IFT52: variants seen among roughly 807,000 people sequenced by gnomAD.
IFT52 encodes the protein intraflagellar transport 52, also known as intraflagellar transport protein 52 homolog.
IFT52 carries 44 observed loss-of-function variants against 54.4 expected under a neutral mutation model. The observed-to-expected ratio is 0.81, with a 90% CI of 0.63 to 1.04. IFT52 has a LOEUF of 1.04. Ranked by LOEUF, IFT52 falls within the 50% of genes least tolerant of loss-of-function variation. The probability of loss-of-function intolerance (pLI) is 0.00; values close to 1 mark genes in which losing one functional copy is unlikely to be tolerated. For missense variants in IFT52, 452 were observed against 523.6 expected, an observed-to-expected ratio of 0.86 and a Z score of 1.33; for synonymous variants, 181 against 185.3, an observed-to-expected ratio of 0.98 and a Z score of 0.19.
At chr20:43,627,866 C>T (rs1251531348) in intron 10 of IFT52, among the ~76,000 whole-genome samples, 1 of 150,348 alleles carries the variant, frequency 6.7e-6, no homozygotes, top group Non-Finnish European at 1.5e-5. Context: ...CATTCCCAGC[C>T]TGGCCTTCGC....
At chr20:43,613,463 A>G (rs1983610734) in intron 6 of IFT52, among the ~76,000 whole-genome samples, 1 of 152,202 alleles carries the variant, frequency 6.6e-6, no homozygotes. Flanking sequence ...GCTTAGAAAA[A>G]ATTTTTTGTT....
At chr20:43,595,343 G>C (rs1477566695) in intron 2 of IFT52, among the ~76,000 whole-genome samples, 1 of 131,056 alleles carries the variant, frequency 7.6e-6, no homozygotes, top group Non-Finnish European at 1.6e-5. Context: ...AAAAAAGAAA[G>C]ATCAAGACCA....
chr20:43,627,922 G>GTTTTTTTTTTT (rs554920528), intron 10 of IFT52, among the ~76,000 whole-genome samples: 1 of 56,082 alleles, frequency 1.8e-5, no homozygotes, highest in Non-Finnish European at 2.9e-5. Context: ...GAGAGAGAGA[G>GTTTTTTTTTTT]TTTTTTTTTT....
intron 2 of IFT52, 54 bp from the exon 3 acceptor site, chr20:43,596,381 A>G: frequency 6.0e-6 from 7 of 1,158,188 alleles, no homozygotes; most frequent in Non-Finnish European, 9.0e-6. Flanking sequence ...AAAATAATAC[A>G]TAAATTGGTT....
chr20:43,639,784 A>G (rs1985790842), intron 12 of IFT52, among the ~76,000 whole-genome samples: 1 of 151,970 alleles, frequency 6.6e-6, no homozygotes, highest in Non-Finnish European at 1.5e-5. Context: ...GGCTGCAGTG[A>G]GCTATGATAC....
intron 9 of IFT52, among the ~76,000 whole-genome samples, 196 bp from the exon 10 acceptor site, chr20:43,623,695 G>A (rs1199311000): frequency 6.6e-6 from 1 of 152,180 alleles, no homozygotes; most frequent in Non-Finnish European, 1.5e-5. Context: ...GCCAGTACTG[G>A]GGTTTAGCCA....
chr20:43,642,389 A>G (rs1338565027), intron 12 of IFT52, 90 bp from the exon 13 acceptor site: 1 of 1,186,954 alleles, frequency 8.4e-7, no homozygotes, highest in Non-Finnish European at 1.2e-6. Context: ...ATGTGGAAAC[A>G]TGACAGGGCA....
At chr20:43,631,050 T>G (rs1985130587) in intron 10 of IFT52, among the ~76,000 whole-genome samples, 1 of 152,194 alleles carries the variant, frequency 6.6e-6, no homozygotes, top group Admixed American at 6.6e-5. Flanking sequence ...AGAATTTTAG[T>G]TTAAAACTGC....
intron 10 of IFT52, among the ~76,000 whole-genome samples, chr20:43,632,747 A>G (rs947132685): frequency 1.3e-5 from 2 of 152,216 alleles, no homozygotes; most frequent in Admixed American, 6.5e-5. Flanking sequence ...AGTGCATATC[A>G]TACAGATCTG....
intron 9 of IFT52, 131 bp from the exon 10 acceptor site, chr20:43,623,760 G>C: frequency 9.7e-7 from 1 of 1,031,754 alleles, no homozygotes; most frequent in East Asian, 2.5e-5. Context: ...TTTAGTGTCA[G>C]TGATCATGAA....
chr20:43,641,044 A>G (rs1293165585), intron 12 of IFT52, among the ~76,000 whole-genome samples: 2 of 151,700 alleles, frequency 1.3e-5, no homozygotes, highest in African/African-American at 4.8e-5. Context: ...AAAAAAAAAA[A>G]AAAAAAAAAA....
intron 6 of IFT52, among the ~76,000 whole-genome samples, chr20:43,607,773 C>T: frequency 6.6e-6 from 1 of 152,066 alleles, no homozygotes; most frequent in Non-Finnish European, 1.5e-5. Flanking sequence ...GCACTCTCGG[C>T]ACTTTGGGAG....
intron 3 of IFT52, among the ~76,000 whole-genome samples, chr20:43,597,973 C>T (rs1245026194): frequency 6.6e-6 from 1 of 151,126 alleles, no homozygotes; most frequent in Non-Finnish European, 1.5e-5. Context: ...AAAACCAGAT[C>T]TCAGAGATAG....
intron 1 of IFT52, among the ~76,000 whole-genome samples, chr20:43,592,694 G>T (rs551086747): frequency 6.6e-6 from 1 of 152,120 alleles, no homozygotes; most frequent in Non-Finnish European, 1.5e-5. Context: ...GGAAGGAAAA[G>T]ATTCATACTT....
chr20:43,637,419 C>T (rs1025576043), intron 12 of IFT52, among the ~76,000 whole-genome samples, 166 bp downstream of exon 12: 6 of 152,068 alleles, frequency 3.9e-5, no homozygotes, highest in Non-Finnish European at 5.9e-5. Context: ...TGCGCCACCA[C>T]GCCCAGCTAA....
intron 2 of IFT52, 151 bp downstream of exon 2, chr20:43,594,968 C>G (rs1306533305): frequency 3.2e-6 from 2 of 616,686 alleles, no homozygotes; most frequent in South Asian, 3.9e-5. Flanking sequence ...CGTGGTGGCT[C>G]ACACCTGTAA....
chr20:43,606,741 C>A (rs1176149421), intron 6 of IFT52, among the ~76,000 whole-genome samples: 4 of 152,242 alleles, frequency 2.6e-5, no homozygotes, highest in Non-Finnish European at 5.9e-5. Context: ...CAGCCTTCCG[C>A]AGTGTTTGTG....
At chr20:43,643,298 G>T (rs752799691) in intron 13 of IFT52, among the ~76,000 whole-genome samples, 175 of 28,610 alleles carry the variant, frequency 6.1e-3, no homozygotes, top group Admixed American at 0.012. Context: ...CCAGCCTGGC[G>T]AACATGGTGA....
Position 43,619,033 on chromosome 20 carries a change from T to A in IFT52, c.699+7T>A. ...AGAAAACAGCAAAATCATGGTAAGC[T>A]TTTTCTTTTGTCATATTAATATACA... On this transcript the variant is annotated splice_region_variant and intron_variant, in intron 8 of 13. Transcript: ENST00000373030. The A allele has an allele frequency of 6.3e-7, 1 of 1,579,914 alleles. No homozygotes were observed. Among genetic ancestry groups the A allele is most frequent in the Non-Finnish European group, 8.7e-7 (1 of 1,149,790 alleles).
Sources: gnomAD v4.1 joint callset for allele counts (sites outside exome capture counted in the v4.1 genomes callset) on GRCh38, gnomAD v4.1.1 for gene constraint, MANE v1.5 for transcripts, NCBI Gene and HGNC (gene_info 2026-07-23, HGNC 2026-07-21) for gene names.